MEP1A: variants seen among roughly 807,000 people sequenced by gnomAD.
MEP1A encodes meprin A subunit alpha.
A neutral mutation model predicts 84.5 loss-of-function variants in MEP1A; 68 were observed. The ratio of observed to expected loss-of-function variants is 0.80; its 90% CI spans 0.66 to 0.98. The LOEUF (loss-of-function observed/expected upper bound fraction) is 0.98. Ranked by LOEUF, MEP1A falls within the 50% of genes least tolerant of loss-of-function variation. The probability of loss-of-function intolerance (pLI) is 0.00; values close to 1 mark genes in which losing one functional copy is unlikely to be tolerated. For missense variants in MEP1A, 887 were observed against 919.9 expected (o/e 0.96, Z 0.46); for synonymous variants, 337 against 336.8 (o/e 1.00, Z -0.01).
chr6:46,819,765 C>T, intron 7 of MEP1A, 61 bp downstream of exon 7: 1 of 1,547,642 alleles, frequency 6.5e-7, no homozygotes, highest in Non-Finnish European at 8.8e-7. Context: ...CCTGAGATGA[C>T]CAAGCCAAAT....
At chr6:46,806,766 G>A (rs943544218) in intron 5 of MEP1A, among the ~76,000 whole-genome samples, 1 of 151,930 alleles carries the variant, frequency 6.6e-6, no homozygotes, top group Non-Finnish European at 1.5e-5. Flanking sequence ...AGCCACTCGG[G>A]TTAAAACTCA....
intron 3 of MEP1A, among the ~76,000 whole-genome samples, chr6:46,794,159 C>G (rs1460965160): frequency 1.3e-5 from 2 of 152,134 alleles, no homozygotes; most frequent in African/African-American, 4.8e-5. Flanking sequence ...AAAGCAATCT[C>G]CACTTAGACA....
intron 5 of MEP1A, among the ~76,000 whole-genome samples, chr6:46,804,175 C>T (rs754425730): frequency 6.6e-6 from 1 of 151,622 alleles, no homozygotes; most frequent in African/African-American, 2.4e-5. Context: ...TGAAGAACTT[C>T]CTTTAGCACT....
At chr6:46,823,251 C>T (rs1767823544) in intron 7 of MEP1A, among the ~76,000 whole-genome samples, 1 of 152,224 alleles carries the variant, frequency 6.6e-6, no homozygotes, top group Admixed American at 6.5e-5. Flanking sequence ...GGCCACACCA[C>T]ACTTCTGCAG....
At chr6:46,843,401 G>A (rs1768365965), downstream of MEP1A, among the ~76,000 whole-genome samples, 1 of 152,250 alleles carries the variant, frequency 6.6e-6, no homozygotes, top group Non-Finnish European at 1.5e-5. Flanking sequence ...CCAAAAGTTA[G>A]TTCACTGGGC....
intron 3 of MEP1A, among the ~76,000 whole-genome samples, chr6:46,795,321 G>A (rs756549906): frequency 1.6e-4 from 25 of 151,970 alleles, no homozygotes; most frequent in Non-Finnish European, 2.5e-4. Context: ...TTTCTCCTGA[G>A]ATGGAGTGTT....
intron 6 of MEP1A, among the ~76,000 whole-genome samples, chr6:46,813,712 G>A (rs796936599): frequency 3.9e-5 from 6 of 152,176 alleles, no homozygotes; most frequent in African/African-American, 1.4e-4. Flanking sequence ...AAGATTTAGA[G>A]CTCCTTTTAG....
intron 6 of MEP1A, among the ~76,000 whole-genome samples, chr6:46,817,265 A>C (rs931662816): frequency 6.6e-6 from 1 of 152,178 alleles, no homozygotes; most frequent in Non-Finnish European, 1.5e-5. Flanking sequence ...TGGTAACTTC[A>C]TTTGCTGAGG....
In MEP1A at chr6:46,825,347, T is replaced by G. The variant is rs1205118019; in HGVS notation, c.632T>G (p.Leu211Trp). 7.4e-6 allele frequency: 12 copies of G among 1,613,704 alleles called. No homozygotes were observed. The highest frequency in any genetic ancestry group is 8.5e-6 in the Non-Finnish European group (10 of 1,179,762). ...AATACACCCTATGATTATGAGTCTT[T>G]GATGCACTACCAGCCTTTCTCATTT... ...DLNTPYDYESLMHYQPFSFNK... is the reference protein window; with the variant it reads ...DLNTPYDYESWMHYQPFSFNK... The change falls in exon 8 of 14, where the codon TTG (leucine) becomes TGG (tryptophan). Residue 211 changes from leucine to tryptophan, a missense_variant. Leu to Trp is a moderately conservative substitution (Grantham distance 61). Transcript: ENST00000230588.
intron 12 of MEP1A, 69 bp from the exon 13 acceptor site, chr6:46,835,180 C>T: frequency 6.5e-6 from 9 of 1,385,460 alleles, no homozygotes; most frequent in Non-Finnish European, 8.8e-6. Context: ...GAACTTTCAC[C>T]AGAAGTGGGA....
At chr6:46,838,948 T>A (rs1047582180) in intron 13 of MEP1A, 32 bp from the exon 14 acceptor site, 1 of 1,589,088 alleles carries the variant, frequency 6.3e-7, no homozygotes, top group Non-Finnish European at 8.6e-7. Flanking sequence ...CCTGGGTAGT[T>A]CCCACACTCC....
At chr6:46,812,438 G>T (rs1202904290) in intron 6 of MEP1A, among the ~76,000 whole-genome samples, 1 of 151,598 alleles carries the variant, frequency 6.6e-6, no homozygotes, top group African/African-American at 2.4e-5. Flanking sequence ...TGTTTCATTT[G>T]TCTTTTGTAT....
rs1767095584 is a variant in MEP1A, at chr6:46,797,897, TC to T, written c.146-707del. Among the ~76,000 whole-genome samples the T allele has an allele frequency of 2.2e-4, 10 of 46,116 alleles. No homozygotes were observed. The East Asian group carries it at 4.5e-3, about 21-fold the overall frequency. The allele number at this position is 46,116 out of a possible 152,430, so 30.3% of individuals were successfully genotyped here. On this transcript the variant is annotated intron_variant, in intron 3 of 13. Transcript: ENST00000230588. ...TTCCTTCCTTCCTTCCTTCCTTCCT[TC>T]CTTCCTTCCTTCCTTCCTTCCTTCC... is the stretch of plus-strand genomic sequence containing the variant.
intron 5 of MEP1A, among the ~76,000 whole-genome samples, chr6:46,804,284 T>A (rs1767261842): frequency 6.6e-6 from 1 of 151,754 alleles, no homozygotes; most frequent in Non-Finnish European, 1.5e-5. Flanking sequence ...TAACTGGAAA[T>A]AGAATTTCGG....
intron 7 of MEP1A, among the ~76,000 whole-genome samples, chr6:46,823,464 T>A (rs1465696299): frequency 1.3e-5 from 2 of 152,126 alleles, no homozygotes; most frequent in Non-Finnish European, 2.9e-5. Context: ...ATTAAACAAT[T>A]AGCCAGGCGT....
chr6:46,814,790 A>T (rs1767595009), intron 6 of MEP1A, among the ~76,000 whole-genome samples: 1 of 152,026 alleles, frequency 6.6e-6, no homozygotes, highest in Non-Finnish European at 1.5e-5. Flanking sequence ...GCTTCTTGAG[A>T]GCTGAACTGT....
At chr6:46,795,819 TCTC>T (rs1377627768) in intron 3 of MEP1A, among the ~76,000 whole-genome samples, 2 of 152,130 alleles carry the variant, frequency 1.3e-5, no homozygotes, top group Non-Finnish European at 2.9e-5. Flanking sequence ...TCTAATGACT[TCTC>T]CTTCAACATA....
intron 5 of MEP1A, among the ~76,000 whole-genome samples, chr6:46,808,558 G>C (rs1265491361): frequency 1.3e-5 from 2 of 152,004 alleles, no homozygotes; most frequent in Non-Finnish European, 2.9e-5. Flanking sequence ...TTGATGGGAG[G>C]GTAAAATGCA....
the MEP1A span, among the ~76,000 whole-genome samples, chr6:46,845,585 G>A: frequency 1.3e-5 from 2 of 152,176 alleles, no homozygotes; most frequent in Non-Finnish European, 2.9e-5. Flanking sequence ...ACCCTGTACT[G>A]CCACATACAC....
Sources: allele counts gnomAD v4.1 joint callset (sites outside exome capture counted in the v4.1 genomes callset), GRCh38; gene constraint gnomAD v4.1.1; transcripts MANE v1.5; gene names NCBI Gene and HGNC (gene_info 2026-07-23, HGNC 2026-07-21).